PLEKHG4B: variants seen among roughly 807,000 people sequenced by gnomAD.
The protein encoded by PLEKHG4B is pleckstrin homology domain-containing family G member 4B.
A neutral mutation model predicts 121.3 loss-of-function variants in PLEKHG4B; 111 were observed. That is an observed-to-expected ratio of 0.92 (90% confidence interval 0.78 to 1.07). The LOEUF (loss-of-function observed/expected upper bound fraction) is 1.07, where lower values mean the gene tolerates loss of function less well. Ranked by LOEUF, PLEKHG4B falls within the 50% of genes least tolerant of loss-of-function variation. The probability of loss-of-function intolerance (pLI) is 0.00; values close to 1 mark genes in which losing one functional copy is unlikely to be tolerated. For synonymous variants in PLEKHG4B, 738 were observed against 725.0 expected, an observed-to-expected ratio of 1.02 and a Z score of -0.29; for missense variants, 1,831 against 1,757.8, an observed-to-expected ratio of 1.04 and a Z score of -0.74.
At chr5:128,470 C>G (rs1464563323) in intron 2 of PLEKHG4B, among the ~76,000 whole-genome samples, 2 of 152,186 alleles carry the variant, frequency 1.3e-5, no homozygotes, top group Non-Finnish European at 2.9e-5. Context: ...GTCCTCAGCA[C>G]TGATCCACTG....
At chr5:98,165 T>C (rs1324414424) in intron 1 of PLEKHG4B, among the ~76,000 whole-genome samples, 2 of 152,144 alleles carry the variant, frequency 1.3e-5, no homozygotes, top group African/African-American at 4.8e-5. Flanking sequence ...AATGTTTTCT[T>C]CTAAGAATTT....
chr5:155,946 A>G, intron 9 of PLEKHG4B, 125 bp from the exon 10 acceptor site: 1 of 977,978 alleles, frequency 1.0e-6, no homozygotes, highest in Non-Finnish European at 1.5e-6. Flanking sequence ...AGGAGTGGGC[A>G]CTGTCATGCC....
rs1245537023 is a variant in PLEKHG4B, at chr5:162,979, C to T, written c.2907C>T (p.Pro969=). The T allele has an allele frequency of 1.2e-5, 19 of 1,567,528 alleles. No homozygotes were observed. The highest frequency in any genetic ancestry group is 1.4e-5 in the Non-Finnish European group (16 of 1,156,272). ...CTGCCCCAGACCCCAGCTTACCGCC[C>T]CTTGCCCAGAGCCCCCCAAAGCATG... ...SEAAPDPSLP[P]LAQSPPKHER... is the part of the protein sequence containing the mutation. The change falls in exon 13 of 20, where the codon CCC becomes CCT. Residue 969 remains proline (P), a synonymous_variant. Coordinates refer to ENST00000637938, the MANE Select transcript of PLEKHG4B (RefSeq NM_052909.5).
At chr5:127,401 C>T (rs949209532) in intron 2 of PLEKHG4B, among the ~76,000 whole-genome samples, 11 of 145,192 alleles carry the variant, frequency 7.6e-5, no homozygotes, top group Non-Finnish European at 1.5e-4. Flanking sequence ...TGTGCCAAGG[C>T]CCAGCCTGAG....
intron 6 of PLEKHG4B, among the ~76,000 whole-genome samples, chr5:146,359 CA>C (rs1320072155): frequency 2.8e-5 from 4 of 144,468 alleles, no homozygotes; most frequent in Non-Finnish European, 6.1e-5. Context: ...CCCTCCTCTC[CA>C]CCCCCACAGT....
chr5:161,706 C>T (rs914316731), intron 11 of PLEKHG4B, 77 bp from the exon 12 acceptor site: 106 of 1,600,002 alleles, frequency 6.6e-5, no homozygotes, highest in South Asian at 2.2e-4. Context: ...AGTGGCTACA[C>T]GCAGACCCAG....
In PLEKHG4B at chr5:162,931, T is replaced by A. The variant is rs907952901; in HGVS notation, c.2859T>A (p.Arg953=). ...TGCAGTACCCCCAGACCCGGCTCCG[T>A]CTGGAAGAGGCCCTTTCTGAGGCTG... is the stretch of plus-strand genomic sequence containing the variant. ...LWLQYPQTRL[R]LEEALSEAAP... is the part of the protein sequence containing the mutation. The change falls in exon 13 of 20, where the codon CGT becomes CGA. Residue 953 remains arginine, a synonymous_variant. Transcript: ENST00000637938. The A allele has an allele frequency of 3.2e-6, 5 of 1,551,960 alleles. No individual in the cohort carries two copies. The highest frequency in any genetic ancestry group is 4.3e-6 in the Non-Finnish European group (5 of 1,149,428).
At chr5:152,205 CTT>C (rs770422898) in intron 7 of PLEKHG4B, among the ~76,000 whole-genome samples, 20 of 140,758 alleles carry the variant, frequency 1.4e-4, no homozygotes, top group Non-Finnish European at 1.6e-4. Flanking sequence ...TTCTTTCTGT[CTT>C]TTTTTTTTTT....
In PLEKHG4B at chr5:169,130, TC is replaced by T. The variant is rs1298774528; in HGVS notation, c.3477-207del. Reference sequence around the variant, plus strand: ...ACCTCGTGATCTACCCGCCTCAGCCTCCCAAAGTCCTGGGATTACAGGCACG... The same window carrying T: ...ACCTCGTGATCTACCCGCCTCAGCCTCCAAAGTCCTGGGATTACAGGCACG... On this transcript the variant is annotated intron_variant, in intron 13 of 19. Transcript: ENST00000637938. 8 of 611,136 alleles carry T rather than the reference TC, an allele frequency of 1.3e-5. No homozygotes were observed. The Admixed American group carries it at 2.5e-4, about 19-fold the overall frequency. 37.9% of individuals were successfully genotyped at this position (611,136 alleles called of 1,614,324 possible). A position where few individuals can be genotyped will look rare whatever the true frequency, so the allele number is the denominator to read the frequency against.
In PLEKHG4B at chr5:137,516, A is replaced by G. The variant is rs530280324; in HGVS notation, c.244-1967A>G. Among the ~76,000 whole-genome samples, 2 of 152,250 alleles carry G rather than the reference A, an allele frequency of 1.3e-5. No individual in the cohort carries two copies. The highest frequency in any genetic ancestry group is 2.9e-5 in the Non-Finnish European group (2 of 68,014). On this transcript the variant is annotated intron_variant, in intron 2 of 19. Coordinates refer to ENST00000637938, the MANE Select transcript of PLEKHG4B (RefSeq NM_052909.5). The surrounding 1 kb of genome is among the most constrained non-coding windows in gnomAD (Gnocchi z 4.2). ...TTAACCCGGACCAGTTCCCTTCTAC[A>G]GTGAAGAAACCCTATGCATATTGGA...
intron 2 of PLEKHG4B, among the ~76,000 whole-genome samples, chr5:129,308 C>T (rs2126379215): frequency 6.6e-6 from 1 of 152,246 alleles, no homozygotes; most frequent in East Asian, 1.9e-4. Context: ...TGGCTTTATC[C>T]CCCTTTATCT....
At chr5:118,960 C>T (rs1734387097) in intron 2 of PLEKHG4B, among the ~76,000 whole-genome samples, 1 of 152,040 alleles carries the variant, frequency 6.6e-6, no homozygotes, top group African/African-American at 2.4e-5. Flanking sequence ...AAGCGATCCT[C>T]CCACCTCAGC....
In PLEKHG4B at chr5:181,598, G is replaced by A. The variant is rs1404887089; in HGVS notation, c.4487G>A (p.Cys1496Tyr). 6.2e-7 allele frequency: 1 copy of A among 1,613,922 alleles called. No individual in the cohort carries two copies. Among genetic ancestry groups the A allele is most frequent in the Non-Finnish European group, 8.5e-7 (1 of 1,179,832 alleles). ...AAGCCCAGAGACCGGACCCCTGACT[G>A]TGCAGTGATAAGCGACCGGGCTCCC... ...DVKPRDRTPD[C>Y]AVISDRAPKC... Residue 1496 changes from cysteine to tyrosine, a missense_variant, in exon 19 of 20, where the codon TGT (cysteine) becomes TAT (tyrosine). By Grantham distance (194) the Cys-to-Tyr change is radical. Coordinates refer to ENST00000637938, the MANE Select transcript of PLEKHG4B (RefSeq NM_052909.5).
In PLEKHG4B at chr5:94,774, C is replaced by G. The variant is rs909601738; in HGVS notation, c.45+2498C>G. On this transcript the variant is annotated intron_variant, in intron 1 of 19. Coordinates refer to ENST00000637938, the MANE Select transcript of PLEKHG4B (RefSeq NM_052909.5). ...AGACCCCGATCTTTTGTCCAAAGAACAGGCCTGGAATCTTGGAAACCAGCA... is the reference window on the plus strand; with the variant it reads ...AGACCCCGATCTTTTGTCCAAAGAAGAGGCCTGGAATCTTGGAAACCAGCA... 5.3e-5 allele frequency among the ~76,000 whole-genome samples: 8 copies of G among 152,198 alleles called. No homozygotes were observed. In the East Asian group the frequency reaches 1.5e-3, roughly 29 times the overall value.
chr5:163,528 T>C lies in PLEKHG4B; in HGVS notation c.3456T>C (p.Asp1152=), dbSNP rs746323833. 7 of 1,603,248 alleles carry C rather than the reference T, an allele frequency of 4.4e-6. No individual in the cohort carries two copies. Among genetic ancestry groups the C allele is most frequent in the Non-Finnish European group, 6.0e-6 (7 of 1,174,794 alleles). The change falls in exon 13 of 20, where the codon GAT becomes GAC. Residue 1152 remains aspartate, a synonymous_variant. Coordinates refer to ENST00000637938, the MANE Select transcript of PLEKHG4B (RefSeq NM_052909.5). The part of the protein sequence containing the change: ...SPSGLHPAEE[D]GRQQVGSSRL... ...CGGGGCTCCACCCTGCTGAGGAGGATGGGAGGCAGCAGGTGGGCAGGTGAG... is the reference window on the plus strand; with the variant it reads ...CGGGGCTCCACCCTGCTGAGGAGGACGGGAGGCAGCAGGTGGGCAGGTGAG...
chr5:145,192 A>T (rs1366874991), intron 6 of PLEKHG4B, among the ~76,000 whole-genome samples: 1 of 152,156 alleles, frequency 6.6e-6, no homozygotes, highest in Non-Finnish European at 1.5e-5. Flanking sequence ...GCAACTGCAA[A>T]CCTAAAATGC....
rs1491465982 is a variant in PLEKHG4B, at chr5:184,011, A to AGAT, written c.*1689_*1691dup. Reference sequence around the variant, plus strand: ...TAGATCGATAGATAGATAGATAGATAGATAGATAGATAGATAGACTGACAG... The same window carrying AGAT: ...TAGATCGATAGATAGATAGATAGATAGATGATAGATAGATAGATAGACTGACAG... On this transcript the variant is annotated 3_prime_UTR_variant, in exon 20 of 20. Coordinates refer to ENST00000637938, the MANE Select transcript of PLEKHG4B (RefSeq NM_052909.5). 2 of 148,822 alleles carry AGAT rather than the reference A, an allele frequency of 1.3e-5. No individual in the cohort carries two copies. Among genetic ancestry groups the AGAT allele is most frequent in the South Asian group, 2.1e-4 (1 of 4,740 alleles). The allele number at this position is 148,822 out of a possible 1,614,324, so 9.2% of individuals were successfully genotyped here.
At chr5:136,211 A>G (rs1297370943) in intron 2 of PLEKHG4B, among the ~76,000 whole-genome samples, 1 of 152,218 alleles carries the variant, frequency 6.6e-6, no homozygotes, top group African/African-American at 2.4e-5. Flanking sequence ...CTAAAATTAT[A>G]AAACTCTTAG....
rs538975952 is a variant in PLEKHG4B, at chr5:107,040, G to A, written c.46-6211G>A. On this transcript the variant is annotated intron_variant, in intron 1 of 19. Coordinates refer to ENST00000637938, the MANE Select transcript of PLEKHG4B (RefSeq NM_052909.5). ...CAGACATGGGAAGAGGCTGGAATCT[G>A]CAGCTTCAGGGGCTGCCCCAGCAGG... 1.1e-4 allele frequency among the ~76,000 whole-genome samples: 16 copies of A among 152,366 alleles called. No individual in the cohort carries two copies. The South Asian group carries it at 3.3e-3, about 32-fold the overall frequency.
Sources: gnomAD v4.1 joint callset for allele counts (sites outside exome capture counted in the v4.1 genomes callset) on GRCh38, gnomAD v4.1.1 for gene constraint, Gnocchi (gnomAD v3.1) non-coding constraint, MANE v1.5 for transcripts, NCBI Gene and HGNC (gene_info 2026-07-23, HGNC 2026-07-21) for gene names.